Variants in SLCO1A2 observed in about 807,000 individuals in gnomAD.
SLCO1A2 encodes solute carrier organic anion transporter family member 1A2, also known as OATP-1.
SLCO1A2 carries 67 observed loss-of-function variants against 69.0 expected under a neutral mutation model. That is an observed-to-expected ratio of 0.97 (90% CI 0.80 to 1.19). The LOEUF (loss-of-function observed/expected upper bound fraction) is 1.19. Among genes scored for constraint, SLCO1A2 ranks in the 50% most tolerant of loss-of-function variants. SLCO1A2 has a pLI of 0.00. For missense variants in SLCO1A2, 787 were observed against 793.7 expected, an observed-to-expected ratio of 0.99 and a Z score of 0.10; for synonymous variants, 260 against 265.9, an observed-to-expected ratio of 0.98 and a Z score of 0.22.
intron 12 of SLCO1A2, among the ~76,000 whole-genome samples, chr12:21,276,387 GAC>G (rs3060629): frequency 0.018 from 2,515 of 141,790 alleles, 33 homozygotes; most frequent in South Asian, 0.026. Flanking sequence ...GATAAATATG[GAC>G]ACACACACAC....
intron 2 of SLCO1A2, among the ~76,000 whole-genome samples, chr12:21,355,399 G>A (rs149770486): frequency 2.0e-5 from 3 of 152,094 alleles, no homozygotes; most frequent in Non-Finnish European, 4.4e-5. Context: ...AAGAAATCTC[G>A]AAGTGTGAGG....
chr12:21,395,456 G>A (rs1178653891), upstream of SLCO1A2: 17 of 154,892 alleles, frequency 1.1e-4, no homozygotes, highest in Non-Finnish European at 2.3e-4. Flanking sequence ...AGGGGCGCCC[G>A]CCATTGCCCA....
Position 21,274,581 on chromosome 12 carries a change from T to C in SLCO1A2, c.1681A>G (p.Ile561Val), listed in dbSNP as rs116587731. The C allele has an allele frequency of 3.3e-4, 523 of 1,593,802 alleles. 1 individual carries two copies. The East Asian group carries it at 9.3e-3, about 28-fold the overall frequency. Residue 561 changes from isoleucine (I) to valine (V), a missense_variant, in exon 14 of 15, where the codon ATT becomes GTT. Coordinates refer to ENST00000683939, the MANE Select transcript of SLCO1A2 (RefSeq NM_001386879.1). ...GCGCCAAAATATATAGGTGCAGGAA[T>C]GCCAGCTACAATTGACAGGGAAAGA... ...HTFCTRVFAGIPAPIYFGALM... is the reference protein window; with the variant it reads ...HTFCTRVFAGVPAPIYFGALM...
chr12:21,404,991 T>A (rs759193458), intron 1 of SLCO1A2, among the ~76,000 whole-genome samples: 1 of 152,210 alleles, frequency 6.6e-6, no homozygotes, highest in Non-Finnish European at 1.5e-5. Flanking sequence ...TGATCAGCGA[T>A]GTTGAACTTT....
intron 2 of SLCO1A2, among the ~76,000 whole-genome samples, chr12:21,361,087 C>T (rs1938826396): frequency 6.6e-6 from 1 of 152,206 alleles, no homozygotes; most frequent in East Asian, 1.9e-4. Context: ...AGACTGCCTC[C>T]TCAAGTGGGT....
intron 4 of SLCO1A2, among the ~76,000 whole-genome samples, chr12:21,311,228 A>G (rs182179137): frequency 1.7e-4 from 26 of 152,296 alleles, no homozygotes; most frequent in African/African-American, 6.0e-4. Context: ...TTCCTCCACT[A>G]AAGTCTTGTG....
upstream of SLCO1A2, chr12:21,419,457 C>G (rs563107281): frequency 3.3e-5 from 5 of 153,244 alleles, no homozygotes; most frequent in East Asian, 1.9e-4. Context: ...AAAGGGGTGA[C>G]GGACGGCACC....
chr12:21,306,298 C>T (rs1949379872), intron 5 of SLCO1A2, among the ~76,000 whole-genome samples: 1 of 151,956 alleles, frequency 6.6e-6, no homozygotes, highest in South Asian at 2.1e-4. Flanking sequence ...GTGGGATGAA[C>T]TTAACAGTGG....
intron 1 of SLCO1A2, among the ~76,000 whole-genome samples, chr12:21,381,012 G>A (rs1222927364): frequency 1.3e-5 from 2 of 152,128 alleles, no homozygotes; most frequent in South Asian, 2.1e-4. Flanking sequence ...CCAATAGGTA[G>A]AAAACACCTA....
At chr12:21,389,390 A>G (rs1941045530) in intron 1 of SLCO1A2, among the ~76,000 whole-genome samples, 1 of 152,206 alleles carries the variant, frequency 6.6e-6, no homozygotes, top group East Asian at 1.9e-4. Context: ...TATGGTCAAA[A>G]TGTTATGCAG....
chr12:21,389,130 T>C (rs183346723), intron 1 of SLCO1A2, among the ~76,000 whole-genome samples: 2 of 152,280 alleles, frequency 1.3e-5, no homozygotes, highest in African/African-American at 2.4e-5. Flanking sequence ...CAACCAAATA[T>C]GAGTTAGGGT....
upstream of SLCO1A2, among the ~76,000 whole-genome samples, chr12:21,335,517 T>C (rs1367839658): frequency 1.3e-5 from 2 of 152,052 alleles, no homozygotes; most frequent in Non-Finnish European, 2.9e-5. Flanking sequence ...TTGTTTGTTT[T>C]ACATCTTGAA....
At chr12:21,402,298 A>G (rs1165591073) in intron 1 of SLCO1A2, among the ~76,000 whole-genome samples, 1 of 152,042 alleles carries the variant, frequency 6.6e-6, no homozygotes, top group Non-Finnish European at 1.5e-5. Context: ...ACCCTAATGT[A>G]AAATAGAGAA....
intron 2 of SLCO1A2, among the ~76,000 whole-genome samples, chr12:21,353,612 TCTC>T (rs1373388631): frequency 6.6e-6 from 1 of 152,166 alleles, no homozygotes; most frequent in Non-Finnish European, 1.5e-5. Context: ...CATGTGAAAA[TCTC>T]CTGTGGACAA....
At chr12:21,275,140 G>C (rs4442593) in intron 13 of SLCO1A2, 111,347 of 977,882 alleles carry the variant, frequency 0.11, 7,917 homozygotes, top group Non-Finnish European at 0.13. Context: ...TCACACACCA[G>C]GGCCTGTTGT....
rs556348826 is a variant in SLCO1A2 at position 21,348,421 on chromosome 12, C to T, written c.-62-13712G>A. On this transcript the variant is annotated intron_variant, in intron 2 of 15. Transcript: ENST00000307378. ...ATGACACTTAACAGCCTCTGGTAAC[C>T]ATCCTTCTACTATCTATGTCCATGA... is the stretch of plus-strand genomic sequence containing the variant. Among the ~76,000 whole-genome samples the T allele has an allele frequency of 3.3e-5, 5 of 152,272 alleles. No homozygotes were observed. The South Asian group carries it at 8.3e-4, about 25-fold the overall frequency.
chr12:21,362,475 G>C (rs543649280), intron 2 of SLCO1A2, among the ~76,000 whole-genome samples: 1 of 152,300 alleles, frequency 6.6e-6, no homozygotes, highest in Admixed American at 6.5e-5. Flanking sequence ...TTGGTACTAG[G>C]AGGAAACTGC....
In SLCO1A2 at chr12:21,288,267, C is replaced by T. The variant is rs914302305; in HGVS notation, c.1610+3897G>A. Reference sequence around the variant, plus strand: ...GACCAGCCGGGCCAACATAATAAAACACTGTTTCTACTAAAAATACAAAAA... The same window carrying T: ...GACCAGCCGGGCCAACATAATAAAATACTGTTTCTACTAAAAATACAAAAA... On this transcript the variant is annotated intron_variant, in intron 12 of 14. Transcript: ENST00000683939. 3.9e-5 allele frequency among the ~76,000 whole-genome samples: 6 copies of T among 152,184 alleles called. No individual in the cohort carries two copies. In the South Asian group the frequency reaches 1.0e-3, roughly 26 times the overall value.
chr12:21,308,341 C>A (rs992596068), intron 4 of SLCO1A2, among the ~76,000 whole-genome samples: 4 of 152,082 alleles, frequency 2.6e-5, no homozygotes, highest in Admixed American at 2.6e-4. Flanking sequence ...ACTGAGTGGT[C>A]ACTGAAATAA....
Sources: gnomAD v4.1 joint callset for allele counts (sites outside exome capture counted in the v4.1 genomes callset) on GRCh38, gnomAD v4.1.1 for gene constraint, MANE v1.5 for transcripts, NCBI Gene and HGNC (gene_info 2026-07-23, HGNC 2026-07-21) for gene names.